Variants in RAVER1 observed in about 807,000 individuals in gnomAD.
RAVER1 encodes the protein ribonucleoprotein PTB-binding 1.
Under a neutral mutation model 68.4 loss-of-function variants are expected in RAVER1, and 36 were observed. The observed-to-expected ratio is 0.53, with a 90% CI of 0.40 to 0.70. RAVER1 has a LOEUF of 0.70. Among genes scored for constraint, RAVER1 ranks in the 30% least tolerant of loss-of-function variants. The pLI, the probability that RAVER1 is intolerant of heterozygous loss-of-function variation, is 0.00. For missense variants in RAVER1, 933 were observed against 1,019.8 expected (o/e 0.91, Z 1.16); for synonymous variants, 469 against 472.7 (o/e 0.99, Z 0.10).
In RAVER1 at chr19:10,322,509, G is replaced by C. The variant is rs1260681919; in HGVS notation, c.1173+136C>G. ...TGTGGGTGGGAAAGGCAGGGGTTTGGGGGAGTCGCCCTCACCCTGGTTCTG... is the reference window on the plus strand; with the variant it reads ...TGTGGGTGGGAAAGGCAGGGGTTTGCGGGAGTCGCCCTCACCCTGGTTCTG... On this transcript the variant is annotated intron_variant, in intron 6 of 12. Transcript: ENST00000617231. The surrounding 1 kb of genome is among the most constrained non-coding windows in gnomAD (Gnocchi z 4.3). 8.2e-6 allele frequency: 5 copies of C among 606,854 alleles called. No homozygotes were observed. The East Asian group carries it at 1.7e-4, about 21-fold the overall frequency. 37.6% of individuals were successfully genotyped at this position (606,854 alleles called of 1,614,324 possible).
intron 3 of RAVER1, among the ~76,000 whole-genome samples, chr19:10,326,755 GT>G (rs34915880): frequency 0.15 from 17,502 of 114,244 alleles, 840 homozygotes; most frequent in Admixed American, 0.22. Flanking sequence ...CGCCTGGCCT[GT>G]TTTTTTTTTT....
intron 3 of RAVER1, among the ~76,000 whole-genome samples, chr19:10,324,390 TTTG>T (rs1396243583): frequency 6.6e-6 from 1 of 151,984 alleles, no homozygotes; most frequent in East Asian, 1.9e-4. Flanking sequence ...TTTGTTTTGT[TTTG>T]TTTTTTTTGA....
rs1005734306 is a variant in RAVER1 at position 10,322,790 on chromosome 19, C to T, written c.1079-51G>A. On this transcript the variant is annotated intron_variant, in intron 5 of 12. Transcript: ENST00000617231. The surrounding 1 kb of genome is among the most constrained non-coding windows in gnomAD (Gnocchi z 4.3). ...TGGGGGTCCCTGTGTCCTCCCTGCC[C>T]CACCTCACGAAACACAGCCCTGAAC... 10 of 1,123,954 alleles carry T rather than the reference C, an allele frequency of 8.9e-6. No homozygotes were observed. The highest frequency in any genetic ancestry group is 6.5e-5 in the African/African-American group (4 of 61,138). The allele number at this position is 1,123,954 out of a possible 1,614,324, so 69.6% of individuals were successfully genotyped here. A position where few individuals can be genotyped will look rare whatever the true frequency, so the allele number is the denominator to read the frequency against.
In RAVER1 at chr19:10,333,458, G is replaced by C; in HGVS notation, c.50C>G (p.Ser17Cys). ...VTHRPPLSPK[S>C]GAEVEAGDAA... ...ATCGCCGGCTTCGACTTCGGCCCCA[G>C]ACTTAGGGCTCAGCGGGGGCCGGTG... is the stretch of plus-strand genomic sequence containing the variant. Residue 17 changes from serine to cysteine, a missense_variant, in exon 1 of 13, where the codon TCT becomes TGT. Ser to Cys is a moderately radical substitution (Grantham distance 112). Around this residue, in one of 3 missense-constraint regions of RAVER1, gnomAD observed 211 missense variants for 230.0 expected, o/e 0.92. Coordinates refer to ENST00000617231, the MANE Select transcript of RAVER1 (RefSeq NM_133452.3). The surrounding 1 kb of genome is among the most constrained non-coding windows in gnomAD (Gnocchi z 4.2). The C allele has an allele frequency of 6.2e-7, 1 of 1,612,004 alleles. No individual in the cohort carries two copies.
At chr19:10,320,601 A>G in intron 9 of RAVER1, 54 bp downstream of exon 9, 2 of 1,460,350 alleles carry the variant, frequency 1.4e-6, no homozygotes, top group Non-Finnish European at 1.8e-6. Context: ...GAGAAATATC[A>G]GTTTGGAGAA....
intron 10 of RAVER1, among the ~76,000 whole-genome samples, chr19:10,318,695 G>C (rs1433167541): frequency 6.6e-6 from 1 of 152,132 alleles, no homozygotes; most frequent in Non-Finnish European, 1.5e-5. Flanking sequence ...TTGGCTAATA[G>C]GACTGAGGAG....
In RAVER1 at chr19:10,323,200, C is replaced by A; in HGVS notation, c.1023G>T (p.Ala341=). The change falls in exon 5 of 13, where the codon GCG becomes GCT. Residue 341 remains alanine (A), a synonymous_variant. Coordinates refer to ENST00000617231, the MANE Select transcript of RAVER1 (RefSeq NM_133452.3). This position sits in a 1 kb window ranked among gnomAD's most constrained non-coding sequence, Gnocchi z 6.2. ...LQLLNNLGPS[A]SLQLLLNPLL... is the part of the protein sequence containing the mutation. The stretch of plus-strand genomic sequence containing the variant: ...GGGGGTTGAGCAGCAGCTGGAGGGA[C>A]GCGGATGGGCCCAGGTTGTTGAGCA... 6.2e-7 allele frequency: 1 copy of A among 1,612,726 alleles called. No homozygotes were observed.
chr19:10,321,502 G>A lies in RAVER1; in HGVS notation c.1261+29C>T, dbSNP rs746518252. On this transcript the variant is annotated intron_variant, in intron 7 of 12. Transcript: ENST00000617231. ...AGGGAAGGAAGGGGAAGTGGCTGGGGGACACCGTGTGGGCAGGGTCTGCGT... is the reference window on the plus strand; with the variant it reads ...AGGGAAGGAAGGGGAAGTGGCTGGGAGACACCGTGTGGGCAGGGTCTGCGT... The A allele has an allele frequency of 1.6e-5, 21 of 1,340,440 alleles. No homozygotes were observed. In the South Asian group the frequency reaches 4.7e-4, roughly 30 times the overall value. 83.0% of individuals were successfully genotyped at this position (1,340,440 alleles called of 1,614,324 possible).
At chr19:10,319,044 T>C in intron 10 of RAVER1, 122 bp downstream of exon 10, 3 of 913,974 alleles carry the variant, frequency 3.3e-6, no homozygotes, top group Non-Finnish European at 5.0e-6. Flanking sequence ...GATCCTGTCT[T>C]AAAAAAACCC....
Position 10,322,700 on chromosome 19 carries a change from C to A in RAVER1, c.1118G>T (p.Gly373Val), listed in dbSNP as rs748971802. The A allele has an allele frequency of 2.0e-6, 3 of 1,532,510 alleles. No homozygotes were observed. The highest frequency in any genetic ancestry group is 5.0e-5 in the East Asian group (2 of 39,950). 94.9% of individuals were successfully genotyped at this position (1,532,510 alleles called of 1,614,324 possible). A position where few individuals can be genotyped will look rare whatever the true frequency, so the allele number is the denominator to read the frequency against. ...CAACAGCGCCGTGGACAGGGCTGGC[C>A]CATTGAGCAGCGGCATGGCTGGGGG... ...GAPPAMPLLN[G>V]PALSTALLQL... is the part of the protein sequence containing the mutation. The change falls in exon 6 of 13, where the codon GGG becomes GTG. Residue 373 changes from glycine (G) to valine (V), a missense_variant. Physicochemically the swap from Gly to Val is moderately radical, Grantham distance 109. Coordinates refer to ENST00000617231, the MANE Select transcript of RAVER1 (RefSeq NM_133452.3). The surrounding 1 kb of genome is among the most constrained non-coding windows in gnomAD (Gnocchi z 4.3).
rs1051407569 is a variant in RAVER1 at position 10,333,272 on chromosome 19, ACCGC to A, written c.219+13_219+16del. 2 of 1,605,032 alleles carry A rather than the reference ACCGC, an allele frequency of 1.2e-6. No individual in the cohort carries two copies. Among genetic ancestry groups the A allele is most frequent in the African/African-American group, 2.7e-5 (2 of 73,538 alleles). On this transcript the variant is annotated intron_variant, in intron 1 of 12. Transcript: ENST00000617231. This position sits in a 1 kb window ranked among gnomAD's most constrained non-coding sequence, Gnocchi z 4.2. The stretch of plus-strand genomic sequence containing the variant: ...GTGGTATTTCCCGCCACGCTCCTAC[ACCGC>A]CCCCCCCAATACCTGGTTGGTCACG...
rs2040397518 is a variant in RAVER1 at position 10,317,363 on chromosome 19, G to A, written c.*91C>T. On this transcript the variant is annotated 3_prime_UTR_variant, in exon 13 of 13. Coordinates refer to ENST00000617231, the MANE Select transcript of RAVER1 (RefSeq NM_133452.3). This position sits in a 1 kb window ranked among gnomAD's most constrained non-coding sequence, Gnocchi z 4.3. Reference sequence around the variant, plus strand: ...GAGATTTTTCTATTACCGAAAGAGAGAAAATGGTTTAAAAAAAACACAAAA... The same window carrying A: ...GAGATTTTTCTATTACCGAAAGAGAAAAAATGGTTTAAAAAAAACACAAAA... 2 of 1,383,116 alleles carry A rather than the reference G, an allele frequency of 1.4e-6. No homozygotes were observed. Among genetic ancestry groups the A allele is most frequent in the Middle Eastern group, 1.8e-4 (1 of 5,652 alleles). The allele number at this position is 1,383,116 out of a possible 1,614,324, so 85.7% of individuals were successfully genotyped here. A position where few individuals can be genotyped will look rare whatever the true frequency, so the allele number is the denominator to read the frequency against.
At chr19:10,330,599 T>A in intron 1 of RAVER1, 73 bp from the exon 2 acceptor site, 1 of 710,154 alleles carries the variant, frequency 1.4e-6, no homozygotes, top group African/African-American at 1.8e-5. Context: ...GCTTCATAGC[T>A]GCCACCAGCT....
intron 1 of RAVER1, among the ~76,000 whole-genome samples, chr19:10,332,228 G>GC (rs1422018810): frequency 1.3e-5 from 2 of 152,094 alleles, no homozygotes; most frequent in Non-Finnish European, 2.9e-5. Flanking sequence ...GAACCCTTGG[G>GC]CTCAATACAG....
chr19:10,333,237 C>G lies in RAVER1; in HGVS notation c.219+52G>C. On this transcript the variant is annotated intron_variant, in intron 1 of 12. Coordinates refer to ENST00000617231, the MANE Select transcript of RAVER1 (RefSeq NM_133452.3). This position sits in a 1 kb window ranked among gnomAD's most constrained non-coding sequence, Gnocchi z 4.2. Reference sequence around the variant, plus strand: ...TTGGTGTCGCCCGGTTCCCCCCGCGCACGCGCACCGTGGTATTTCCCGCCA... The same window carrying G: ...TTGGTGTCGCCCGGTTCCCCCCGCGGACGCGCACCGTGGTATTTCCCGCCA... The G allele has an allele frequency of 6.5e-7, 1 of 1,545,906 alleles. No individual in the cohort carries two copies. The highest frequency in any genetic ancestry group is 1.9e-5 in the Admixed American group (1 of 52,246).
At position 10,317,608 on chromosome 19, in the gene RAVER1, C is replaced by A. The variant is rs768783236; in HGVS notation, c.2074-8G>T. On this transcript the variant is annotated splice_region_variant and splice_polypyrimidine_tract_variant and intron_variant, in intron 12 of 12. Transcript: ENST00000617231. This position sits in a 1 kb window ranked among gnomAD's most constrained non-coding sequence, Gnocchi z 4.3. ...CTGGCCGCCCAGTGGGGTCTGGAGA[C>A]AGAGGGCAGGGCGGGGCGGGTCAGG... 1.0e-5 allele frequency: 16 copies of A among 1,598,248 alleles called. 1 individual carries two copies. The South Asian group carries it at 1.8e-4, about 18-fold the overall frequency.
chr19:10,323,202 C>A lies in RAVER1; in HGVS notation c.1021G>T (p.Ala341Ser), dbSNP rs368847000. 4.8e-5 allele frequency: 78 copies of A among 1,612,814 alleles called. No homozygotes were observed. The African/African-American group carries it at 9.3e-4, about 19-fold the overall frequency. ...GGGTTGAGCAGCAGCTGGAGGGACG[C>A]GGATGGGCCCAGGTTGTTGAGCAGC... is the stretch of plus-strand genomic sequence containing the variant. ...LQLLNNLGPS[A>S]SLQLLLNPLL... The change falls in exon 5 of 13, where the codon GCG becomes TCG. Residue 341 changes from alanine (A) to serine (S), a missense_variant. This residue lies in a region of RAVER1 where 699 missense variants were observed against 731.1 expected (regional missense o/e 0.96). Coordinates refer to ENST00000617231, the MANE Select transcript of RAVER1 (RefSeq NM_133452.3). The surrounding 1 kb of genome is among the most constrained non-coding windows in gnomAD (Gnocchi z 6.2).
intron 6 of RAVER1, 137 bp from the exon 7 acceptor site, chr19:10,321,755 C>T: frequency 1.9e-6 from 1 of 533,960 alleles, no homozygotes; most frequent in Non-Finnish European, 3.0e-6. Flanking sequence ...CAGGGTTCCC[C>T]AGTGCCCGCC....
intron 3 of RAVER1, among the ~76,000 whole-genome samples, chr19:10,326,475 C>T (rs191890140): frequency 3.9e-4 from 60 of 152,316 alleles, no homozygotes; most frequent in African/African-American, 1.3e-3. Flanking sequence ...GACGGAGTCT[C>T]GCTCTGTCGC....
Sources: allele counts gnomAD v4.1 joint callset (sites outside exome capture counted in the v4.1 genomes callset), GRCh38; gene constraint gnomAD v4.1.1; regional missense constraint gnomAD v4.1.1; non-coding constraint Gnocchi (gnomAD v3.1); transcripts MANE v1.5; gene names NCBI Gene and HGNC (gene_info 2026-07-23, HGNC 2026-07-21).